VAX2: variants seen among roughly 807,000 people sequenced by gnomAD.
VAX2 encodes the protein ventral anterior homeobox 2.
Under a neutral mutation model 12.5 loss-of-function variants are expected in VAX2, and 8 were observed. That is an observed-to-expected ratio of 0.64 (90% CI 0.37 to 1.15). The LOEUF (loss-of-function observed/expected upper bound fraction) is 1.15. VAX2 is among the 50% of genes most tolerant of loss of function. The probability of loss-of-function intolerance (pLI) is 0.01; values close to 1 mark genes in which losing one functional copy is unlikely to be tolerated. For synonymous variants in VAX2, 183 were observed against 187.6 expected (o/e 0.98, Z 0.20); for missense variants, 476 against 412.9 (o/e 1.15, Z -1.32).
At position 70,900,813 on chromosome 2, in the gene VAX2, C is replaced by A; in HGVS notation, c.192C>A (p.Ser64Arg). The A allele has an allele frequency of 3.4e-6, 5 of 1,488,190 alleles. No homozygotes were observed. The highest frequency in any genetic ancestry group is 4.5e-6 in the Non-Finnish European group (5 of 1,118,920). The allele number at this position is 1,488,190 out of a possible 1,614,324, so 92.2% of individuals were successfully genotyped here. A position where few individuals can be genotyped will look rare whatever the true frequency, so the allele number is the denominator to read the frequency against. Residue 64 changes from serine to arginine, a missense_variant, in exon 1 of 3, where the codon AGC (serine) becomes AGA (arginine). Transcript: ENST00000234392. Reference protein sequence around the residue: ...PAGSRESGADSDGQPGPGEAD... With the variant: ...PAGSRESGADRDGQPGPGEAD... Reference sequence around the variant, plus strand: ...GCTCCAGGGAGAGTGGAGCCGACAGCGACGGGCAGCCCGGGCCCGGCGAGG... The same window carrying A: ...GCTCCAGGGAGAGTGGAGCCGACAGAGACGGGCAGCCCGGGCCCGGCGAGG...
At position 70,900,781 on chromosome 2, in the gene VAX2, C is replaced by G. The variant is rs1553409629; in HGVS notation, c.160C>G (p.Pro54Ala). ...TEVAGTSASS[P>A]AGSRESGADS... Reference sequence around the variant, plus strand: ...GGTGGCCGGGACCTCAGCCTCCAGTCCCGCAGGCTCCAGGGAGAGTGGAGC... The same window carrying G: ...GGTGGCCGGGACCTCAGCCTCCAGTGCCGCAGGCTCCAGGGAGAGTGGAGC... The change falls in exon 1 of 3, where the codon CCC (proline) becomes GCC (alanine). Residue 54 changes from proline to alanine, a missense_variant. Physicochemically the swap from Pro to Ala is conservative, Grantham distance 27. Transcript: ENST00000234392. 1 of 1,499,090 alleles carries G rather than the reference C, an allele frequency of 6.7e-7. No individual in the cohort carries two copies. The highest frequency in any genetic ancestry group is 8.9e-7 in the Non-Finnish European group (1 of 1,124,762). 92.9% of individuals were successfully genotyped at this position (1,499,090 alleles called of 1,614,324 possible).
chr2:70,909,938 T>TA (rs1314149542), intron 1 of VAX2, among the ~76,000 whole-genome samples: 1 of 152,190 alleles, frequency 6.6e-6, no homozygotes, highest in Non-Finnish European at 1.5e-5. Context: ...AGGCAACACC[T>TA]ACCTCATTTA....
intron 1 of VAX2, among the ~76,000 whole-genome samples, chr2:70,903,435 G>A (rs555097951): frequency 5.3e-5 from 8 of 152,136 alleles, no homozygotes; most frequent in African/African-American, 1.9e-4. Flanking sequence ...GGGGGTGGGG[G>A]GCAGGTTTGT....
chr2:70,908,781 C>T (rs1341438043), intron 1 of VAX2, among the ~76,000 whole-genome samples: 1 of 152,178 alleles, frequency 6.6e-6, no homozygotes, highest in African/African-American at 2.4e-5. Flanking sequence ...CTGCCACCAG[C>T]GATGTCTGAA....
At chr2:70,923,069 G>T (rs1679495316) in intron 2 of VAX2, among the ~76,000 whole-genome samples, 2 of 152,084 alleles carry the variant, frequency 1.3e-5, no homozygotes, top group Admixed American at 1.3e-4. Flanking sequence ...GTGTGGTGTT[G>T]GATGTCCACC....
chr2:70,908,486 T>G (rs114705145), intron 1 of VAX2, among the ~76,000 whole-genome samples: 1 of 152,022 alleles, frequency 6.6e-6, no homozygotes, highest in East Asian at 1.9e-4. Context: ...TTTTTGTTTG[T>G]TTTTTTTATA....
At chr2:70,926,241 C>A (rs1296529125) in intron 2 of VAX2, among the ~76,000 whole-genome samples, 1 of 152,186 alleles carries the variant, frequency 6.6e-6, no homozygotes, top group African/African-American at 2.4e-5. Context: ...AGACACAGTG[C>A]AGCTGACCTC....
chr2:70,908,552 C>A (rs1284611722), intron 1 of VAX2, among the ~76,000 whole-genome samples: 2 of 152,076 alleles, frequency 1.3e-5, no homozygotes, highest in African/African-American at 4.8e-5. Context: ...TATCATATAA[C>A]CAGTACCCTA....
At chr2:70,925,353 T>A (rs1303228166) in intron 2 of VAX2, among the ~76,000 whole-genome samples, 1 of 152,168 alleles carries the variant, frequency 6.6e-6, no homozygotes, top group South Asian at 2.1e-4. Flanking sequence ...AGAGGCACTC[T>A]AATTTAGTGC....
intron 1 of VAX2, among the ~76,000 whole-genome samples, chr2:70,901,452 C>T (rs1481583301): frequency 1.3e-5 from 2 of 152,268 alleles, no homozygotes; most frequent in African/African-American, 4.8e-5. Flanking sequence ...TCGGTTCCCA[C>T]TTCCTCGCGG....
chr2:70,908,547 T>C (rs1357171218), intron 1 of VAX2, among the ~76,000 whole-genome samples: 2 of 152,288 alleles, frequency 1.3e-5, no homozygotes, highest in African/African-American at 4.8e-5. Flanking sequence ...ATGTATATCA[T>C]ATAACCAGTA....
At chr2:70,932,637 A>AACCCCCCCCC in intron 2 of VAX2, 130 bp from the exon 3 acceptor site, 1 of 144,554 alleles carries the variant, frequency 6.9e-6, no homozygotes. Flanking sequence ...CCACCCTCAC[A>AACCCCCCCCC]CCCCACCCCC....
rs1553409568 is a variant in VAX2, at chr2:70,900,661, C to T, written c.40C>T (p.Arg14Cys). 7.8e-7 allele frequency: 1 copy of T among 1,281,750 alleles called. No individual in the cohort carries two copies. Among genetic ancestry groups the T allele is most frequent in the African/African-American group, 1.5e-5 (1 of 64,730 alleles). The allele number at this position is 1,281,750 out of a possible 1,614,324, so 79.4% of individuals were successfully genotyped here. ...CGCCGAGCGCGACCGGGGCCCCGCG[C>T]GCCGGGCGGAGTCTGGTGGCGGCGG... is the stretch of plus-strand genomic sequence containing the variant. Reference protein sequence around the residue: ...GGAERDRGPARRAESGGGGGR... With the variant: ...GGAERDRGPACRAESGGGGGR... Residue 14 changes from arginine to cysteine, a missense_variant, in exon 1 of 3, where the codon CGC becomes TGC. Coordinates refer to ENST00000234392, the MANE Select transcript of VAX2 (RefSeq NM_012476.3).
At chr2:70,901,448 C>A (rs1207920178) in intron 1 of VAX2, among the ~76,000 whole-genome samples, 1 of 152,256 alleles carries the variant, frequency 6.6e-6, no homozygotes. Context: ...TCTCTCGGTT[C>A]CCACTTCCTC....
chr2:70,913,883 A>G (rs12475175), intron 1 of VAX2, among the ~76,000 whole-genome samples: 36,718 of 152,096 alleles, frequency 0.24, 5,069 homozygotes, highest in Non-Finnish European at 0.3. Flanking sequence ...AGTTGTTTTA[A>G]TCTACATAAA....
In VAX2 at chr2:70,921,304, G is replaced by C. The variant is rs782283919; in HGVS notation, c.435+19G>C. On this transcript the variant is annotated intron_variant, in intron 2 of 2. Transcript: ENST00000234392. ...GACCCAGGTAAGAGACCAGGGCCAGGCCACTCCACTCTTGTCCTGGCAGCC... is the reference window on the plus strand; with the variant it reads ...GACCCAGGTAAGAGACCAGGGCCAGCCCACTCCACTCTTGTCCTGGCAGCC... 1.3e-6 allele frequency: 2 copies of C among 1,581,604 alleles called. No homozygotes were observed. The highest frequency in any genetic ancestry group is 1.7e-6 in the Non-Finnish European group (2 of 1,164,140).
Position 70,933,331 on chromosome 2 carries a change from C to T in VAX2, c.*127C>T. ...CCACACACTCTTCCCCACCTGCCCCCCAGCTCAGAGACTCGTGACCAAATG... is the reference window on the plus strand; with the variant it reads ...CCACACACTCTTCCCCACCTGCCCCTCAGCTCAGAGACTCGTGACCAAATG... On this transcript the variant is annotated 3_prime_UTR_variant, in exon 3 of 3. Transcript: ENST00000234392. 2 of 983,662 alleles carry T rather than the reference C, an allele frequency of 2.0e-6. No individual in the cohort carries two copies. The highest frequency in any genetic ancestry group is 6.5e-5 in the South Asian group (2 of 30,572). 60.9% of individuals were successfully genotyped at this position (983,662 alleles called of 1,614,324 possible).
intron 2 of VAX2, among the ~76,000 whole-genome samples, chr2:70,923,461 A>C (rs1553413128): frequency 6.6e-6 from 1 of 152,198 alleles, no homozygotes; most frequent in African/African-American, 2.4e-5. Flanking sequence ...TCAACAGTTC[A>C]ATACTGACAC....
chr2:70,914,827 G>C (rs1679273770), intron 1 of VAX2, among the ~76,000 whole-genome samples: 1 of 142,526 alleles, frequency 7.0e-6, no homozygotes, highest in Non-Finnish European at 1.5e-5. Flanking sequence ...TTTTGAGACA[G>C]AGTCTCACGG....
Sources: gnomAD v4.1 joint callset for allele counts (sites outside exome capture counted in the v4.1 genomes callset) on GRCh38, gnomAD v4.1.1 for gene constraint, MANE v1.5 for transcripts, NCBI Gene and HGNC (gene_info 2026-07-23, HGNC 2026-07-21) for gene names.